IP6K3: variants seen among roughly 807,000 people sequenced by gnomAD.
IP6K3 encodes the protein ATP:1D-myo-inositol-hexakisphosphate phosphotransferase.
IP6K3 carries 20 observed loss-of-function variants against 28.8 expected under a neutral mutation model. The observed-to-expected ratio is 0.70, with a 90% CI of 0.49 to 1.01. IP6K3 has a LOEUF of 1.01. IP6K3 is among the 50% of genes least tolerant of loss of function. The pLI is 0.00. For missense variants in IP6K3, 480 were observed against 537.1 expected (o/e 0.89, Z 1.05); for synonymous variants, 213 against 221.3 (o/e 0.96, Z 0.33).
upstream of IP6K3, among the ~76,000 whole-genome samples, chr6:33,748,309 G>A (rs1327604207): frequency 6.6e-6 from 1 of 151,928 alleles, no homozygotes; most frequent in African/African-American, 2.4e-5. Flanking sequence ...GTTCCAGGAC[G>A]GCCCCTTCTC....
chr6:33,748,308 C>T (rs1224624594), upstream of IP6K3, among the ~76,000 whole-genome samples: 3 of 152,082 alleles, frequency 2.0e-5, no homozygotes, highest in African/African-American at 7.2e-5. Flanking sequence ...TGTTCCAGGA[C>T]GGCCCCTTCT....
chr6:33,759,369 C>T, the IP6K3 span, among the ~76,000 whole-genome samples: 1 of 152,078 alleles, frequency 6.6e-6, no homozygotes, highest in Admixed American at 6.6e-5. Context: ...CTCTGCCTCC[C>T]GCGGAGAGAC....
chr6:33,728,030 G>A, intron 3 of IP6K3, 57 bp downstream of exon 3: 1 of 1,577,582 alleles, frequency 6.3e-7, no homozygotes, highest in Non-Finnish European at 8.6e-7. Flanking sequence ...ACAGGTGGGA[G>A]CAGTGCCGGT....
the IP6K3 span, among the ~76,000 whole-genome samples, chr6:33,754,251 CT>C: frequency 1.3e-5 from 2 of 152,096 alleles, no homozygotes; most frequent in Non-Finnish European, 2.9e-5. Flanking sequence ...GGGGGTTGGA[CT>C]TTCAGACGTG....
At chr6:33,754,156 T>C in the IP6K3 span, among the ~76,000 whole-genome samples, 112,622 of 151,910 alleles carry the variant, frequency 0.74, 43,034 homozygotes, top group East Asian at 0.96. Flanking sequence ...GACATAGAAG[T>C]CCCCAGAGGG....
At chr6:33,740,155 C>G (rs1420440149) in intron 1 of IP6K3, among the ~76,000 whole-genome samples, 1 of 152,188 alleles carries the variant, frequency 6.6e-6, no homozygotes, top group African/African-American at 2.4e-5. Flanking sequence ...CAGCTCAGAC[C>G]CCTTGCCCAG....
At chr6:33,747,754 G>A (rs1041134482), upstream of IP6K3, among the ~76,000 whole-genome samples, 2 of 152,134 alleles carry the variant, frequency 1.3e-5, no homozygotes, top group African/African-American at 4.8e-5. This position sits in a 1 kb window ranked among gnomAD's most constrained non-coding sequence, Gnocchi z 5.2. Flanking sequence ...GGCCTCACCA[G>A]CCTCTGTCCT....
At chr6:33,731,493 A>G (rs529881273) in intron 2 of IP6K3, among the ~76,000 whole-genome samples, 38 of 152,278 alleles carry the variant, frequency 2.5e-4, no homozygotes, top group African/African-American at 7.2e-4. Context: ...ATAAAATCCA[A>G]AAGTCATTTC....
At chr6:33,750,254 A>G (rs537126032), upstream of IP6K3, among the ~76,000 whole-genome samples, 9 of 152,282 alleles carry the variant, frequency 5.9e-5, no homozygotes, top group African/African-American at 2.2e-4. The surrounding 1 kb of genome is among the most constrained non-coding windows in gnomAD (Gnocchi z 4.3). Flanking sequence ...CTGCTCCTAC[A>G]AGCCATTCTC....
In IP6K3 at chr6:33,744,862, G is replaced by A. The variant is rs1234901423; in HGVS notation, c.-180+1896C>T. Among the ~76,000 whole-genome samples, 1 of 152,174 alleles carries A rather than the reference G, an allele frequency of 6.6e-6. No homozygotes were observed. The highest frequency in any genetic ancestry group is 1.5e-5 in the Non-Finnish European group (1 of 68,010). ...CCTCCCACTGCTTAACCAGGGTCAG[G>A]GGCTGAAGGGGAGGGGGTGGGAATG... On this transcript the variant is annotated intron_variant, in intron 1 of 5. Coordinates refer to ENST00000293756, the MANE Select transcript of IP6K3 (RefSeq NM_054111.5). The surrounding 1 kb of genome is among the most constrained non-coding windows in gnomAD (Gnocchi z 4.4).
the IP6K3 span, among the ~76,000 whole-genome samples, chr6:33,759,773 T>C: frequency 6.6e-6 from 1 of 151,576 alleles, no homozygotes; most frequent in Non-Finnish European, 1.5e-5. Context: ...CTTGGGAGGC[T>C]GAGGCAGGAG....
rs781363299 is a variant in IP6K3 at position 33,726,757 on chromosome 6, G to A, written c.563C>T (p.Ser188Phe). ...CHQAHLTRLCSEYPENKRHRF... is the reference protein window; with the variant it reads ...CHQAHLTRLCFEYPENKRHRF... ...ATGCCGCTTGTTCTCTGGGTACTCG[G>A]AGCACAGGCGGGTCAGGTGGGCCTG... The change falls in exon 4 of 6, where the codon TCC (serine) becomes TTC (phenylalanine). Residue 188 changes from serine to phenylalanine, a missense_variant. Coordinates refer to ENST00000293756, the MANE Select transcript of IP6K3 (RefSeq NM_054111.5). The A allele has an allele frequency of 5.0e-6, 8 of 1,602,858 alleles. No individual in the cohort carries two copies. The African/African-American group carries it at 1.1e-4, about 21-fold the overall frequency.
chr6:33,728,728 G>A (rs1345409653), intron 2 of IP6K3, among the ~76,000 whole-genome samples: 1 of 152,224 alleles, frequency 6.6e-6, no homozygotes. Flanking sequence ...CAGAGTGCCA[G>A]TGAGGGAAGT....
At chr6:33,725,936 A>G (rs1292439003) in intron 4 of IP6K3, among the ~76,000 whole-genome samples, 2 of 152,200 alleles carry the variant, frequency 1.3e-5, no homozygotes, top group Admixed American at 6.5e-5. Flanking sequence ...TTTACATTTT[A>G]CGGCAGAAAA....
chr6:33,759,041 G>A, the IP6K3 span, among the ~76,000 whole-genome samples: 2 of 152,254 alleles, frequency 1.3e-5, no homozygotes, highest in Non-Finnish European at 2.9e-5. Flanking sequence ...GCAGGATGGG[G>A]GAGGAGGAGT....
upstream of IP6K3, among the ~76,000 whole-genome samples, chr6:33,747,648 C>T (rs1766950521): frequency 8.3e-6 from 1 of 120,180 alleles, no homozygotes; most frequent in African/African-American, 3.8e-5. The surrounding 1 kb of genome is among the most constrained non-coding windows in gnomAD (Gnocchi z 5.2). Context: ...GTGCAGAGGC[C>T]CAGAGGCCCA....
Position 33,745,795 on chromosome 6 carries a change from G to A in IP6K3, c.-180+963C>T, listed in dbSNP as rs991147407. On this transcript the variant is annotated intron_variant, in intron 1 of 5. Transcript: ENST00000293756. ...CCTGCTGAGGACTTTGTGCAGGGGA[G>A]AGGCGTGCTGTGATGTCAGAACACT... Among the ~76,000 whole-genome samples, 4 of 152,262 alleles carry A rather than the reference G, an allele frequency of 2.6e-5. No individual in the cohort carries two copies. The East Asian group carries it at 5.8e-4, about 22-fold the overall frequency.
At chr6:33,749,560 G>C (rs1766992701), upstream of IP6K3, among the ~76,000 whole-genome samples, 3 of 149,564 alleles carry the variant, frequency 2.0e-5, no homozygotes, top group Non-Finnish European at 3.0e-5. Flanking sequence ...CAGTGGGGCA[G>C]ATGGCCCCAC....
At chr6:33,728,002 G>A in intron 3 of IP6K3, 85 bp downstream of exon 3, 1 of 1,541,068 alleles carries the variant, frequency 6.5e-7, no homozygotes. Context: ...CCTTAATAGG[G>A]AGTGGTTGGC....
Sources: allele counts gnomAD v4.1 joint callset (sites outside exome capture counted in the v4.1 genomes callset), GRCh38; gene constraint gnomAD v4.1.1; non-coding constraint Gnocchi (gnomAD v3.1); transcripts MANE v1.5; gene names NCBI Gene and HGNC (gene_info 2026-07-23, HGNC 2026-07-21).